The following L3MBTL3 variants were observed in gnomAD, a reference collection of about 807,000 sequenced individuals.
L3MBTL3 encodes L3MBTL histone methyl-lysine binding protein 3, also known as lethal(3)malignant brain tumor-like protein 3.
L3MBTL3 carries 27 observed loss-of-function variants against 102.3 expected under a neutral mutation model. That is an observed-to-expected ratio of 0.26 (90% CI 0.19 to 0.36). L3MBTL3 has a LOEUF of 0.36. Among genes scored for constraint, L3MBTL3 ranks in the 10% least tolerant of loss-of-function variants. The probability of loss-of-function intolerance (pLI) is 1.00; values close to 1 mark genes in which losing one functional copy is unlikely to be tolerated. For missense variants in L3MBTL3, 798 were observed against 955.3 expected, an observed-to-expected ratio of 0.84 and a Z score of 2.17; for synonymous variants, 340 against 320.9, an observed-to-expected ratio of 1.06 and a Z score of -0.64.
At chr6:130,050,856 A>T (rs545672340) in intron 5 of L3MBTL3, among the ~76,000 whole-genome samples, 1 of 152,350 alleles carries the variant, frequency 6.6e-6, no homozygotes, top group Non-Finnish European at 1.5e-5. Context: ...AAACAAAATC[A>T]TTCATCAAAA....
intron 9 of L3MBTL3, among the ~76,000 whole-genome samples, chr6:130,058,149 C>CAAAAAAAAAAAAAA (rs61250078): frequency 1.1e-5 from 1 of 89,148 alleles, no homozygotes. Flanking sequence ...GACTCCGTCT[C>CAAAAAAAAAAAAAA]AAAAAAAAAA....
chr6:130,062,643 T>G (rs989375668), intron 10 of L3MBTL3, among the ~76,000 whole-genome samples: 1 of 150,546 alleles, frequency 6.6e-6, no homozygotes, highest in African/African-American at 2.4e-5. Flanking sequence ...AGTCCTCCCA[T>G]CTTGGCCTCC....
chr6:130,099,522 T>C (rs1784561385), intron 18 of L3MBTL3, among the ~76,000 whole-genome samples: 1 of 152,150 alleles, frequency 6.6e-6, no homozygotes, highest in African/African-American at 2.4e-5. Context: ...ACAGAACAAA[T>C]ATGGAACAGA....
chr6:130,084,325 T>C (rs1394410129), intron 15 of L3MBTL3, among the ~76,000 whole-genome samples: 1 of 152,202 alleles, frequency 6.6e-6, no homozygotes, highest in Non-Finnish European at 1.5e-5. Flanking sequence ...TTTAGATTTC[T>C]CATGAATTTA....
chr6:130,071,156 A>C (rs763329004), intron 13 of L3MBTL3, 29 bp downstream of exon 13: 63 of 1,584,776 alleles, frequency 4.0e-5, no homozygotes, highest in Non-Finnish European at 5.3e-5. Flanking sequence ...TGTGCTTTTA[A>C]AAATTTAATA....
At chr6:130,120,654 C>T (rs1010525076) in intron 19 of L3MBTL3, among the ~76,000 whole-genome samples, 2 of 152,134 alleles carry the variant, frequency 1.3e-5, no homozygotes, top group Non-Finnish European at 2.9e-5. Context: ...TTATCTTTAG[C>T]TTTAAATCTT....
chr6:130,120,163 C>T (rs1238027261), intron 19 of L3MBTL3, among the ~76,000 whole-genome samples: 1 of 151,926 alleles, frequency 6.6e-6, no homozygotes, highest in Non-Finnish European at 1.5e-5. Flanking sequence ...TATTGTGAAC[C>T]CTGAGAATGG....
intron 16 of L3MBTL3, among the ~76,000 whole-genome samples, chr6:130,091,019 T>A (rs1478538105): frequency 6.6e-6 from 1 of 151,350 alleles, no homozygotes; most frequent in Non-Finnish European, 1.5e-5. Context: ...TTTTTATAAA[T>A]TGAGGAAGAG....
intron 20 of L3MBTL3, among the ~76,000 whole-genome samples, chr6:130,130,752 G>A (rs1786952593): frequency 6.6e-6 from 1 of 152,184 alleles, no homozygotes; most frequent in Admixed American, 6.5e-5. Flanking sequence ...AAACATATTT[G>A]AAGATTTGAA....
chr6:130,024,198 A>G (rs1184137891), intron 2 of L3MBTL3, among the ~76,000 whole-genome samples: 1 of 152,158 alleles, frequency 6.6e-6, no homozygotes, highest in Non-Finnish European at 1.5e-5. Flanking sequence ...GGGCCAGAAC[A>G]TGAGTCCTCC....
At chr6:130,020,140 C>G (rs1036414870) in intron 1 of L3MBTL3, among the ~76,000 whole-genome samples, 1 of 151,228 alleles carries the variant, frequency 6.6e-6, no homozygotes, top group African/African-American at 2.4e-5. Context: ...GGGGCCACCG[C>G]CCGCCTCGCG....
intron 14 of L3MBTL3, among the ~76,000 whole-genome samples, chr6:130,081,550 C>T (rs946404015): frequency 1.3e-5 from 2 of 150,974 alleles, no homozygotes; most frequent in African/African-American, 4.9e-5. Context: ...TCCTGAGTAG[C>T]TGGGACTACA....
intron 4 of L3MBTL3, 139 bp downstream of exon 4, chr6:130,049,532 T>C (rs1780954690): frequency 1.4e-6 from 1 of 720,774 alleles, no homozygotes; most frequent in African/African-American, 1.8e-5. Flanking sequence ...ATTTCTATAA[T>C]GAAACTGATA....
At chr6:130,094,118 G>A in intron 17 of L3MBTL3, 147 bp from the exon 18 acceptor site, 1 of 503,936 alleles carries the variant, frequency 2.0e-6, no homozygotes. Flanking sequence ...ATTTTTATAG[G>A]ATCTACTTTT....
intron 18 of L3MBTL3, among the ~76,000 whole-genome samples, chr6:130,097,339 A>G (rs1014058975): frequency 6.6e-6 from 1 of 152,226 alleles, no homozygotes; most frequent in Non-Finnish European, 1.5e-5. Context: ...TTACTGAGAA[A>G]CTGCATGTAT....
intron 16 of L3MBTL3, among the ~76,000 whole-genome samples, chr6:130,090,211 T>TAC (rs1554232562): frequency 1.7e-4 from 26 of 152,104 alleles, no homozygotes; most frequent in Admixed American, 1.6e-3. Context: ...TATATATATA[T>TAC]ACTTTTACTA....
At position 130,139,784 on chromosome 6, in the gene L3MBTL3, C is replaced by A; in HGVS notation, c.*31C>A. 1.9e-6 allele frequency: 3 copies of A among 1,604,702 alleles called. No individual in the cohort carries two copies. The South Asian group carries it at 3.3e-5, about 18-fold the overall frequency. Reference sequence around the variant, plus strand: ...GTGAATTCTGAATACCATCAGCATTCTGCTTTAAAGCTCATGTTTTATTCA... The same window carrying A: ...GTGAATTCTGAATACCATCAGCATTATGCTTTAAAGCTCATGTTTTATTCA... On this transcript the variant is annotated 3_prime_UTR_variant, in exon 23 of 23. Transcript: ENST00000361794.
Position 130,140,881 on chromosome 6 carries a change from G to A in L3MBTL3, c.*1128G>A, listed in dbSNP as rs909875423. 6.6e-6 allele frequency: 1 copy of A among 152,582 alleles called. No individual in the cohort carries two copies. The highest frequency in any genetic ancestry group is 2.4e-5 in the African/African-American group (1 of 41,436). 9.5% of individuals were successfully genotyped at this position (152,582 alleles called of 1,614,324 possible). On this transcript the variant is annotated 3_prime_UTR_variant, in exon 23 of 23. Transcript: ENST00000361794. Reference sequence around the variant, plus strand: ...TGAAATGCTCACAGATCAGGGAGGTGATTTCCCAAAGTAATTGCCCAAGAA... The same window carrying A: ...TGAAATGCTCACAGATCAGGGAGGTAATTTCCCAAAGTAATTGCCCAAGAA...
chr6:130,100,789 C>T (rs1422172340), intron 18 of L3MBTL3, among the ~76,000 whole-genome samples: 1 of 152,134 alleles, frequency 6.6e-6, no homozygotes, highest in Non-Finnish European at 1.5e-5. Context: ...ATGCTGCCCT[C>T]CTAGGGCTTA....
Sources: gnomAD v4.1 joint callset for allele counts (sites outside exome capture counted in the v4.1 genomes callset) on GRCh38, gnomAD v4.1.1 for gene constraint, MANE v1.5 for transcripts, NCBI Gene and HGNC (gene_info 2026-07-23, HGNC 2026-07-21) for gene names.